C3orf70: variants seen among roughly 807,000 people sequenced by gnomAD.
The protein encoded by C3orf70 is UPF0524 protein C3orf70.
A neutral mutation model predicts 20.7 loss-of-function variants in C3orf70; 15 were observed. The ratio of observed to expected loss-of-function variants is 0.72; its 90% CI spans 0.48 to 1.11. The LOEUF (loss-of-function observed/expected upper bound fraction) is 1.11, where lower values mean the gene tolerates loss of function less well. Ranked by LOEUF, C3orf70 falls within the 50% of genes most tolerant of loss-of-function variation. C3orf70 has a pLI of 0.00. For synonymous variants in C3orf70, 161 were observed against 125.7 expected, an observed-to-expected ratio of 1.28 and a Z score of -1.88; for missense variants, 332 against 317.6, an observed-to-expected ratio of 1.05 and a Z score of -0.34.
chr3:185,137,441 A>C lies in C3orf70; in HGVS notation c.196+15187T>G, dbSNP rs1465107578. 3.9e-5 allele frequency among the ~76,000 whole-genome samples: 6 copies of C among 152,346 alleles called. No individual in the cohort carries two copies. In the East Asian group the frequency reaches 1.2e-3, roughly 29 times the overall value. On this transcript the variant is annotated intron_variant, in intron 1 of 1. Transcript: ENST00000335012. ...GAAGAACTCAACAACAAAATCAATA[A>C]ACAGGATCTAAAAGACATTTATAGA...
In C3orf70 at chr3:185,083,340, A is replaced by G. The variant is rs1252072987; in HGVS notation, c.420T>C (p.Asn140=). ...GCTTCTGCACATAACACATCTTCCC[A>G]TTAATACATTTAACCTGATAGTTGT... The part of the protein sequence containing the change: ...FIDNYQVKCI[N]GKMCYVQKQP... The change falls in exon 2 of 2, where the codon AAT becomes AAC. Residue 140 remains asparagine (N), a synonymous_variant. Coordinates refer to ENST00000335012, the MANE Select transcript of C3orf70 (RefSeq NM_001025266.3). 1.9e-6 allele frequency: 3 copies of G among 1,614,200 alleles called. No individual in the cohort carries two copies. Among genetic ancestry groups the G allele is most frequent in the Admixed American group, 1.7e-5 (1 of 60,026 alleles).
intron 1 of C3orf70, among the ~76,000 whole-genome samples, chr3:185,100,322 A>G (rs978608139): frequency 2.0e-5 from 3 of 152,220 alleles, no homozygotes; most frequent in African/African-American, 7.2e-5. Context: ...CAAATGCAAA[A>G]TAACTGAAAT....
chr3:185,088,315 A>C (rs180819232), intron 1 of C3orf70, among the ~76,000 whole-genome samples: 1 of 152,330 alleles, frequency 6.6e-6, no homozygotes, highest in East Asian at 1.9e-4. Flanking sequence ...ATGAGAAAAC[A>C]ACCCAATTTT....
Position 185,080,232 on chromosome 3 carries a change from TTAATTA to T in C3orf70, c.*2769_*2774del, listed in dbSNP as rs1345642272. 1.3e-5 allele frequency: 2 copies of T among 152,660 alleles called. No homozygotes were observed. The highest frequency in any genetic ancestry group is 1.5e-5 in the Non-Finnish European group (1 of 68,046). 9.5% of individuals were successfully genotyped at this position (152,660 alleles called of 1,614,324 possible). ...GTAGCAAGTGAAGCTTAGCGAGTTTTTAATTATAAAGAGATTGTGCAAATACATAAG... is the reference window on the plus strand; with the variant it reads ...GTAGCAAGTGAAGCTTAGCGAGTTTTTAAAGAGATTGTGCAAATACATAAG... On this transcript the variant is annotated 3_prime_UTR_variant, in exon 2 of 2. Coordinates refer to ENST00000335012, the MANE Select transcript of C3orf70 (RefSeq NM_001025266.3).
At chr3:185,124,664 C>A (rs1716371668) in intron 1 of C3orf70, among the ~76,000 whole-genome samples, 1 of 151,828 alleles carries the variant, frequency 6.6e-6, no homozygotes, top group South Asian at 2.1e-4. Context: ...AAAGCATAAA[C>A]CGTTAAAAAA....
intron 1 of C3orf70, among the ~76,000 whole-genome samples, chr3:185,125,956 C>T (rs907563361): frequency 1.3e-5 from 2 of 152,020 alleles, no homozygotes; most frequent in Non-Finnish European, 2.9e-5. Context: ...GAATATTCTG[C>T]ACTTTGATGA....
chr3:185,105,185 C>T (rs1272259006), intron 1 of C3orf70, among the ~76,000 whole-genome samples: 2 of 152,222 alleles, frequency 1.3e-5, no homozygotes, highest in Non-Finnish European at 2.9e-5. Context: ...GATGTTAGGA[C>T]AACTGGATAT....
At chr3:185,152,489 C>A in intron 1 of C3orf70, 139 bp downstream of exon 1, 1 of 606,402 alleles carries the variant, frequency 1.6e-6, no homozygotes, top group Non-Finnish European at 2.5e-6. Context: ...CCGGAGCCCA[C>A]GGCGGCCCCA....
intron 1 of C3orf70, among the ~76,000 whole-genome samples, chr3:185,135,703 T>G (rs1425914820): frequency 1.3e-5 from 2 of 152,128 alleles, no homozygotes; most frequent in East Asian, 3.8e-4. Context: ...ATACCCAAAA[T>G]GCCCTAACTT....
chr3:185,125,321 G>A lies in C3orf70; in HGVS notation c.196+27307C>T, dbSNP rs114168900. Among the ~76,000 whole-genome samples the A allele has an allele frequency of 9.4e-3, 1,421 of 151,960 alleles. 20 individuals carry two copies. The highest frequency in any genetic ancestry group is 0.033 in the African/African-American group (1,350 of 41,424). ...CTTGAACCCGGAAGGCAGAGGTTGC[G>A]GTGAGCTGACACCATGCCATTGCAC... On this transcript the variant is annotated intron_variant, in intron 1 of 1. Coordinates refer to ENST00000335012, the MANE Select transcript of C3orf70 (RefSeq NM_001025266.3).
intron 1 of C3orf70, among the ~76,000 whole-genome samples, chr3:185,145,149 TTAA>T (rs1716831482): frequency 6.6e-6 from 1 of 152,252 alleles, no homozygotes; most frequent in African/African-American, 2.4e-5. Context: ...TGATTTGGAA[TTAA>T]TAACACAATT....
intron 1 of C3orf70, among the ~76,000 whole-genome samples, chr3:185,109,212 T>G (rs916219721): frequency 6.6e-6 from 1 of 152,362 alleles, no homozygotes; most frequent in South Asian, 2.1e-4. Context: ...CCAGATGTTA[T>G]CAGCAGCTGA....
Position 185,078,286 on chromosome 3 carries a change from G to A in C3orf70, c.*4721C>T, listed in dbSNP as rs1253516835. 1 of 152,588 alleles carries A rather than the reference G, an allele frequency of 6.6e-6. No homozygotes were observed. Among genetic ancestry groups the A allele is most frequent in the African/African-American group, 2.4e-5 (1 of 41,432 alleles). The allele number at this position is 152,588 out of a possible 1,614,324, so 9.5% of individuals were successfully genotyped here. On this transcript the variant is annotated 3_prime_UTR_variant, in exon 2 of 2. Transcript: ENST00000335012. ...GTGAGGTGGACACAACGATATAGAA[G>A]CTCAATATTAAAGCCGCTAGTGATA...
At chr3:185,126,247 C>T (rs569286274) in intron 1 of C3orf70, among the ~76,000 whole-genome samples, 3 of 152,198 alleles carry the variant, frequency 2.0e-5, no homozygotes, top group East Asian at 3.9e-4. Context: ...AAGTATCAAA[C>T]GATATAGTGT....
intron 1 of C3orf70, among the ~76,000 whole-genome samples, chr3:185,101,627 T>C (rs990357356): frequency 6.6e-6 from 1 of 152,176 alleles, no homozygotes; most frequent in Non-Finnish European, 1.5e-5. Flanking sequence ...CATTTTCACA[T>C]GGCTGGCAGG....
chr3:185,119,348 C>T (rs114279474), intron 1 of C3orf70, among the ~76,000 whole-genome samples: 2,011 of 152,196 alleles, frequency 0.013, 49 homozygotes, highest in African/African-American at 0.045. Context: ...TTATATATGG[C>T]ACTTGAAATT....
intron 1 of C3orf70, among the ~76,000 whole-genome samples, chr3:185,101,225 C>T (rs1017250662): frequency 2.0e-5 from 3 of 151,944 alleles, no homozygotes; most frequent in African/African-American, 7.3e-5. Flanking sequence ...GCAGACACAA[C>T]AAAAAAAGAA....
intron 1 of C3orf70, among the ~76,000 whole-genome samples, chr3:185,149,073 T>C (rs1716931560): frequency 6.6e-6 from 1 of 152,224 alleles, no homozygotes; most frequent in African/African-American, 2.4e-5. Context: ...TTCTATCATT[T>C]GTGATTTTAA....
chr3:185,091,000 CTTAT>C (rs1450639839), intron 1 of C3orf70, among the ~76,000 whole-genome samples: 2 of 152,192 alleles, frequency 1.3e-5, no homozygotes, highest in Admixed American at 1.3e-4. Flanking sequence ...AGACGCATGG[CTTAT>C]TTACTCAGCT....
Sources: gnomAD v4.1 joint callset for allele counts (sites outside exome capture counted in the v4.1 genomes callset) on GRCh38, gnomAD v4.1.1 for gene constraint, MANE v1.5 for transcripts, NCBI Gene and HGNC (gene_info 2026-07-23, HGNC 2026-07-21) for gene names.